Variants in RAB2A observed in about 807,000 individuals in gnomAD.
The protein encoded by RAB2A is ras-related protein Rab-2A.
In RAB2A, 7 loss-of-function variants were observed where a neutral mutation model predicts 32.5. That is an observed-to-expected ratio of 0.22 (90% CI 0.12 to 0.40). The LOEUF (loss-of-function observed/expected upper bound fraction) is 0.40, where lower values mean the gene tolerates loss of function less well. RAB2A is among the 10% of genes least tolerant of loss of function. RAB2A has a pLI of 1.00. For missense variants in RAB2A, 108 were observed against 260.7 expected (o/e 0.41, Z 4.03); for synonymous variants, 79 against 85.2 (o/e 0.93, Z 0.40).
chr8:60,534,814 G>T (rs1393692877), intron 1 of RAB2A, among the ~76,000 whole-genome samples: 1 of 152,144 alleles, frequency 6.6e-6, no homozygotes, highest in Non-Finnish European at 1.5e-5. Context: ...CTGGATATCT[G>T]CATTAAGGAG....
intron 6 of RAB2A, among the ~76,000 whole-genome samples, chr8:60,599,797 TGAACATATTTATC>T (rs1804099773): frequency 4.0e-5 from 6 of 151,588 alleles, no homozygotes; most frequent in Admixed American, 1.3e-4. Flanking sequence ...ATGTAAAATA[TGAACATATTTATC>T]TTTTAGGGGA....
At chr8:60,602,670 A>G (rs1804153757) in intron 6 of RAB2A, among the ~76,000 whole-genome samples, 1 of 152,248 alleles carries the variant, frequency 6.6e-6, no homozygotes, top group Non-Finnish European at 1.5e-5. Flanking sequence ...AGATTTAAGC[A>G]AGAATTATCC....
At chr8:60,518,976 A>G (rs1016239249) in intron 1 of RAB2A, among the ~76,000 whole-genome samples, 1 of 152,166 alleles carries the variant, frequency 6.6e-6, no homozygotes, top group Non-Finnish European at 1.5e-5. Context: ...TGTACTGTGG[A>G]TAAATAAAGT....
At chr8:60,534,780 T>C (rs551601071) in intron 1 of RAB2A, among the ~76,000 whole-genome samples, 21 of 152,326 alleles carry the variant, frequency 1.4e-4, no homozygotes, top group African/African-American at 4.6e-4. Context: ...TTGTGTGACA[T>C]AGTTTAAGGG....
chr8:60,521,238 A>G (rs1046232802), intron 1 of RAB2A, among the ~76,000 whole-genome samples: 2 of 152,224 alleles, frequency 1.3e-5, no homozygotes, highest in Admixed American at 6.5e-5. Context: ...GAGGGGAGGC[A>G]CTAGGTGATG....
At chr8:60,567,876 A>G (rs918864726) in intron 2 of RAB2A, among the ~76,000 whole-genome samples, 1 of 151,980 alleles carries the variant, frequency 6.6e-6, no homozygotes, top group Non-Finnish European at 1.5e-5. Flanking sequence ...TTATTACTCT[A>G]ATTTTTGACC....
chr8:60,547,830 G>T (rs1280301985), intron 1 of RAB2A, among the ~76,000 whole-genome samples: 1 of 121,498 alleles, frequency 8.2e-6, no homozygotes, highest in African/African-American at 3.5e-5. Flanking sequence ...CGGGCGGGGG[G>T]CTGACCCCCC....
chr8:60,613,392 A>G (rs748870901), intron 6 of RAB2A, among the ~76,000 whole-genome samples: 1 of 152,178 alleles, frequency 6.6e-6, no homozygotes, highest in Non-Finnish European at 1.5e-5. Context: ...CTTCCTAGCA[A>G]TCCTATGAAG....
intron 1 of RAB2A, among the ~76,000 whole-genome samples, chr8:60,536,875 G>C (rs1392918337): frequency 6.6e-6 from 1 of 152,148 alleles, no homozygotes; most frequent in Non-Finnish European, 1.5e-5. Context: ...CAAAAAACTT[G>C]ATTTTGAGTT....
Position 60,617,325 on chromosome 8 carries a change from CTT to C in RAB2A, c.475-1253_475-1252del, listed in dbSNP as rs1336587081. Among the ~76,000 whole-genome samples the C allele has an allele frequency of 2.6e-5, 4 of 152,278 alleles. No homozygotes were observed. In the East Asian group the frequency reaches 7.7e-4, roughly 29 times the overall value. On this transcript the variant is annotated intron_variant, in intron 6 of 7. Coordinates refer to ENST00000262646, the MANE Select transcript of RAB2A (RefSeq NM_002865.3). ...AAAGAAGTTGAGCCGTCTTTTCTCT[CTT>C]TATCGTAAGCGTCCTTTGATTTTGC...
chr8:60,544,108 CT>C (rs762062848), intron 1 of RAB2A, among the ~76,000 whole-genome samples: 136 of 134,204 alleles, frequency 1.0e-3, no homozygotes, highest in East Asian at 1.6e-3. Context: ...ATTTTCAATT[CT>C]TTTTTTTTTT....
At chr8:60,523,753 C>T (rs1807336847) in intron 1 of RAB2A, among the ~76,000 whole-genome samples, 1 of 149,478 alleles carries the variant, frequency 6.7e-6, no homozygotes, top group Non-Finnish European at 1.5e-5. Context: ...TGCAGTGGCG[C>T]GATCTCGGCT....
intron 3 of RAB2A, among the ~76,000 whole-genome samples, chr8:60,580,868 C>A (rs145727827): frequency 8.5e-4 from 129 of 152,262 alleles, no homozygotes; most frequent in African/African-American, 2.9e-3. Context: ...ACTTTTCTAG[C>A]AATGTGTTCA....
chr8:60,613,842 C>G (rs565925315), intron 6 of RAB2A, among the ~76,000 whole-genome samples: 3 of 152,248 alleles, frequency 2.0e-5, no homozygotes, highest in African/African-American at 7.2e-5. Context: ...AAATGGATAA[C>G]TGTAATGTTC....
At chr8:60,564,767 A>AT (rs982932736) in intron 2 of RAB2A, among the ~76,000 whole-genome samples, 1 of 152,090 alleles carries the variant, frequency 6.6e-6, no homozygotes, top group African/African-American at 2.4e-5. Context: ...AAGTAAATAG[A>AT]TTTTCCCCCA....
intron 2 of RAB2A, among the ~76,000 whole-genome samples, chr8:60,563,349 G>T (rs868236990): frequency 1.3e-5 from 2 of 152,200 alleles, no homozygotes; most frequent in South Asian, 4.1e-4. Context: ...GATGGTTCAT[G>T]TGCTGTTGTG....
intron 1 of RAB2A, among the ~76,000 whole-genome samples, chr8:60,532,538 T>C (rs1319042499): frequency 2.0e-5 from 3 of 151,998 alleles, no homozygotes; most frequent in African/African-American, 4.8e-5. Flanking sequence ...CAAGATGAAG[T>C]CTTGCTCTGT....
intron 1 of RAB2A, among the ~76,000 whole-genome samples, chr8:60,530,433 C>A (rs7007434): frequency 0.47 from 71,194 of 151,652 alleles, 17,723 homozygotes; most frequent in African/African-American, 0.64. Context: ...AATGTGAGCC[C>A]CCATGCCTGG....
chr8:60,535,053 TA>T (rs1243556767), intron 1 of RAB2A, among the ~76,000 whole-genome samples: 1 of 152,220 alleles, frequency 6.6e-6, no homozygotes, highest in African/African-American at 2.4e-5. Flanking sequence ...TAGCCATGAA[TA>T]AATCTTATTA....
Sources: gnomAD v4.1 joint callset for allele counts (sites outside exome capture counted in the v4.1 genomes callset) on GRCh38, gnomAD v4.1.1 for gene constraint, MANE v1.5 for transcripts, NCBI Gene and HGNC (gene_info 2026-07-23, HGNC 2026-07-21) for gene names.